The following LHFPL6 variants were observed in gnomAD, a reference collection of about 807,000 sequenced individuals.
LHFPL6 encodes the protein LHFPL tetraspan subfamily member 6.
Under a neutral mutation model 20.6 loss-of-function variants are expected in LHFPL6, and 9 were observed. The observed-to-expected ratio is 0.44, with a 90% confidence interval of 0.26 to 0.76. LHFPL6 has a LOEUF of 0.76. Ranked by LOEUF, LHFPL6 falls within the 30% of genes least tolerant of loss-of-function variation. The pLI, the probability that LHFPL6 is intolerant of heterozygous loss-of-function variation, is 0.20. For synonymous variants in LHFPL6, 105 were observed against 98.7 expected (o/e 1.06, Z -0.38); for missense variants, 218 against 253.5 (o/e 0.86, Z 0.95).
chr13:39,364,495 A>G (rs374741916), intron 3 of LHFPL6, among the ~76,000 whole-genome samples: 62 of 152,290 alleles, frequency 4.1e-4, no homozygotes, highest in African/African-American at 1.4e-3. Flanking sequence ...CATTCCCCCA[A>G]TGCAGAGAAA....
intron 2 of LHFPL6, among the ~76,000 whole-genome samples, chr13:39,403,843 T>A (rs775338994): frequency 1.5e-4 from 23 of 152,238 alleles, no homozygotes; most frequent in Non-Finnish European, 8.8e-5. Flanking sequence ...TGTTATCATG[T>A]ATCCCTTAGG....
chr13:39,586,870 C>T lies in LHFPL6; in HGVS notation c.385+13962G>A, dbSNP rs375154438. On this transcript the variant is annotated intron_variant, in intron 2 of 3. Coordinates refer to ENST00000379589, the MANE Select transcript of LHFPL6 (RefSeq NM_005780.3). ...ATTTAGTTAAGTACATAATCCTCAG[C>T]TTGGGGCCAGGCACGGTGGCTCACG... Among the ~76,000 whole-genome samples the T allele has an allele frequency of 2.6e-5, 4 of 152,088 alleles. No individual in the cohort carries two copies. In the East Asian group the frequency reaches 5.8e-4, roughly 22 times the overall value.
intron 2 of LHFPL6, among the ~76,000 whole-genome samples, chr13:39,412,663 G>A (rs1566105643): frequency 1.3e-5 from 2 of 152,184 alleles, no homozygotes; most frequent in Non-Finnish European, 1.5e-5. Context: ...AGTGGCTCAC[G>A]CCTGTAATCC....
chr13:39,587,655 A>G (rs1872490984), intron 2 of LHFPL6, among the ~76,000 whole-genome samples: 1 of 152,112 alleles, frequency 6.6e-6, no homozygotes, highest in African/African-American at 2.4e-5. Flanking sequence ...TATTTCAAAC[A>G]CAGAGAATTT....
intron 2 of LHFPL6, among the ~76,000 whole-genome samples, chr13:39,525,492 T>C (rs1003119810): frequency 6.6e-6 from 1 of 152,236 alleles, no homozygotes; most frequent in African/African-American, 2.4e-5. Flanking sequence ...TAAGACTTCA[T>C]GTGAGTGGTA....
chr13:39,500,242 C>T (rs1363223496), intron 2 of LHFPL6, among the ~76,000 whole-genome samples: 2 of 151,936 alleles, frequency 1.3e-5, no homozygotes, highest in African/African-American at 4.8e-5. Context: ...TGCTCTGTTG[C>T]CCAGGCTGGA....
intron 2 of LHFPL6, among the ~76,000 whole-genome samples, chr13:39,465,089 T>C (rs1021278896): frequency 2.0e-5 from 3 of 152,182 alleles, no homozygotes; most frequent in Admixed American, 2.0e-4. Context: ...CAGACTTACT[T>C]GCTATGGCAA....
At chr13:39,528,110 A>G (rs1870351476) in intron 2 of LHFPL6, among the ~76,000 whole-genome samples, 1 of 152,138 alleles carries the variant, frequency 6.6e-6, no homozygotes, top group African/African-American at 2.4e-5. Context: ...TGCTAAGAAA[A>G]GAGATCTACT....
intron 2 of LHFPL6, among the ~76,000 whole-genome samples, chr13:39,437,669 T>C (rs972492416): frequency 5.3e-5 from 8 of 152,160 alleles, no homozygotes; most frequent in African/African-American, 1.9e-4. Flanking sequence ...TATGGGAGGC[T>C]GAGGCGGGCG....
At chr13:39,442,925 T>TTCTC (rs371232853) in intron 2 of LHFPL6, among the ~76,000 whole-genome samples, 11 of 150,148 alleles carry the variant, frequency 7.3e-5, no homozygotes, top group East Asian at 2.0e-4. Flanking sequence ...TCTTGTCTCT[T>TTCTC]TCTCTCTCTC....
intron 2 of LHFPL6, among the ~76,000 whole-genome samples, chr13:39,534,768 A>G (rs1468190420): frequency 6.6e-6 from 1 of 152,186 alleles, no homozygotes. Flanking sequence ...ATTGTGGACC[A>G]TATCTATGCA....
chr13:39,371,195 T>C (rs1311637195), intron 3 of LHFPL6, among the ~76,000 whole-genome samples: 1 of 152,244 alleles, frequency 6.6e-6, no homozygotes. Flanking sequence ...GGAACCATGA[T>C]GGCTTCTTAA....
At chr13:39,542,057 C>G (rs1243097530) in intron 2 of LHFPL6, among the ~76,000 whole-genome samples, 5 of 150,542 alleles carry the variant, frequency 3.3e-5, no homozygotes, top group Non-Finnish European at 7.4e-5. Context: ...TGCCACTGCA[C>G]TCCAGCCTGG....
chr13:39,530,063 T>C (rs2875329), intron 2 of LHFPL6, among the ~76,000 whole-genome samples: 122,706 of 151,968 alleles, frequency 0.81, 49,792 homozygotes, highest in Middle Eastern at 0.87. Context: ...AACTGCTGAA[T>C]ATTGGATGAA....
At chr13:39,586,456 A>C (rs940557900) in intron 2 of LHFPL6, among the ~76,000 whole-genome samples, 15 of 152,220 alleles carry the variant, frequency 9.9e-5, no homozygotes, top group African/African-American at 2.9e-4. Context: ...ACTTTAAAAA[A>C]TAACCCACTG....
intron 2 of LHFPL6, among the ~76,000 whole-genome samples, chr13:39,423,412 A>G (rs1264082076): frequency 6.6e-6 from 1 of 152,052 alleles, no homozygotes; most frequent in South Asian, 2.1e-4. Context: ...GCTTGGGGAA[A>G]GAAAGGCTTC....
intron 2 of LHFPL6, among the ~76,000 whole-genome samples, chr13:39,522,300 C>T (rs1313921469): frequency 1.3e-5 from 2 of 152,158 alleles, no homozygotes; most frequent in Non-Finnish European, 2.9e-5. Context: ...TAGTAAATTA[C>T]CTAAGGTACC....
At chr13:39,393,630 T>A (rs1593296340) in intron 2 of LHFPL6, among the ~76,000 whole-genome samples, 1 of 152,120 alleles carries the variant, frequency 6.6e-6, no homozygotes, top group Admixed American at 6.5e-5. Flanking sequence ...TCGCAGAAGG[T>A]CATTAATTCT....
At chr13:39,396,319 C>T (rs1415268801) in intron 2 of LHFPL6, among the ~76,000 whole-genome samples, 1 of 152,154 alleles carries the variant, frequency 6.6e-6, no homozygotes, top group African/African-American at 2.4e-5. Flanking sequence ...CTATCCTAAC[C>T]TGGTGTTATT....
Sources: allele counts gnomAD v4.1 joint callset (sites outside exome capture counted in the v4.1 genomes callset), GRCh38; gene constraint gnomAD v4.1.1; transcripts MANE v1.5; gene names NCBI Gene and HGNC (gene_info 2026-07-23, HGNC 2026-07-21).